NPM1: variants seen among roughly 807,000 people sequenced by gnomAD.
NPM1 encodes nucleophosmin 1.
In NPM1, 1 loss-of-function variant was observed where a neutral mutation model predicts 44.1. The ratio of observed to expected loss-of-function variants is 0.02; its 90% CI spans 0.01 to 0.11. The LOEUF (loss-of-function observed/expected upper bound fraction) is 0.11, where lower values mean the gene tolerates loss of function less well. NPM1 is among the 10% of genes least tolerant of loss of function. The pLI, the probability that NPM1 is intolerant of heterozygous loss-of-function variation, is 1.00. For missense variants in NPM1, 197 were observed against 347.8 expected, an observed-to-expected ratio of 0.57 and a Z score of 3.45; for synonymous variants, 126 against 111.8, an observed-to-expected ratio of 1.13 and a Z score of -0.80.
chr5:171,401,358 A>C (rs1350831274), intron 8 of NPM1, among the ~76,000 whole-genome samples: 1 of 152,100 alleles, frequency 6.6e-6, no homozygotes, highest in Admixed American at 6.5e-5. Context: ...CTCCAAAAAA[A>C]AAAATCAGCT....
chr5:171,396,715 T>C (rs1280718580), intron 6 of NPM1, among the ~76,000 whole-genome samples: 1 of 152,182 alleles, frequency 6.6e-6, no homozygotes, highest in East Asian at 1.9e-4. Flanking sequence ...TATTAACAGT[T>C]CACACCTGTA....
chr5:171,405,527 G>A (rs969773361), intron 9 of NPM1, 124 bp downstream of exon 9: 3 of 632,546 alleles, frequency 4.7e-6, no homozygotes, highest in Non-Finnish European at 2.8e-6. Flanking sequence ...CCTGGTTCGT[G>A]GTATGAATTT....
intron 6 of NPM1, among the ~76,000 whole-genome samples, chr5:171,394,963 G>A (rs1238333481): frequency 6.6e-6 from 1 of 152,110 alleles, no homozygotes; most frequent in South Asian, 2.1e-4. Flanking sequence ...TGGATCACTT[G>A]AGGTCAGGAG....
chr5:171,395,070 C>T (rs1770811436), intron 6 of NPM1, among the ~76,000 whole-genome samples: 1 of 152,050 alleles, frequency 6.6e-6, no homozygotes, highest in African/African-American at 2.4e-5. Flanking sequence ...GTCCCAGTTA[C>T]TTAGGAGGTT....
intron 8 of NPM1, among the ~76,000 whole-genome samples, chr5:171,404,615 G>A (rs922788304): frequency 8.5e-6 from 1 of 117,700 alleles, no homozygotes; most frequent in South Asian, 3.5e-4. Context: ...TCCTAGATGG[G>A]ATGGCGGCCG....
At chr5:171,390,177 C>T (rs762398412) in intron 2 of NPM1, 47 bp downstream of exon 2, 39 of 1,119,920 alleles carry the variant, frequency 3.5e-5, no homozygotes, top group Non-Finnish European at 4.6e-5. Context: ...TTGATTTCAG[C>T]CTTTTAGTTT....
rs538921387 is a variant in NPM1, at chr5:171,394,921, G to C, written c.524+1943G>C. Among the ~76,000 whole-genome samples, 16 of 152,290 alleles carry C rather than the reference G, an allele frequency of 1.1e-4. No homozygotes were observed. The East Asian group carries it at 3.1e-3, about 29-fold the overall frequency. ...AGGCCAGGCATGGTGGCTCACGCCT[G>C]TAATCCCAGCACTTTGGGAGGCTGA... On this transcript the variant is annotated intron_variant, in intron 6 of 10. Coordinates refer to ENST00000296930, the MANE Select transcript of NPM1 (RefSeq NM_002520.7).
chr5:171,409,010 T>C (rs1771699844), intron 10 of NPM1, among the ~76,000 whole-genome samples: 1 of 152,136 alleles, frequency 6.6e-6, no homozygotes, highest in Admixed American at 6.6e-5. Context: ...ATAAAAAGTA[T>C]TTTTGGCCAG....
chr5:171,393,187 A>G (rs1458677287), intron 6 of NPM1, among the ~76,000 whole-genome samples: 1 of 152,194 alleles, frequency 6.6e-6, no homozygotes, highest in Non-Finnish European at 1.5e-5. Flanking sequence ...GAGCCTTTAC[A>G]ATGCTGTGAC....
intron 1 of NPM1, among the ~76,000 whole-genome samples, chr5:171,389,635 C>G (rs557897443): frequency 6.6e-6 from 1 of 152,232 alleles, no homozygotes; most frequent in African/African-American, 2.4e-5. Context: ...TAATAGTAAG[C>G]TATTCATGTT....
Position 171,406,740 on chromosome 5 carries a change from G to A in NPM1, c.772-960G>A, listed in dbSNP as rs920670554. On this transcript the variant is annotated intron_variant, in intron 9 of 10. Coordinates refer to ENST00000296930, the MANE Select transcript of NPM1 (RefSeq NM_002520.7). ...TTGAATGCATCAATTAAGAATGTAT[G>A]TGACAATAATTTTGAAATGGAAATT... 1.6e-5 allele frequency: 18 copies of A among 1,117,900 alleles called. No individual in the cohort carries two copies. In the African/African-American group the frequency reaches 2.9e-4, roughly 18 times the overall value. 69.2% of individuals were successfully genotyped at this position (1,117,900 alleles called of 1,614,324 possible).
chr5:171,392,616 A>T (rs1204740547), intron 4 of NPM1, 94 bp from the exon 5 acceptor site: 7 of 666,430 alleles, frequency 1.1e-5, no homozygotes, highest in Non-Finnish European at 1.4e-5. Flanking sequence ...ATAGAATAGA[A>T]GTCTCAGTTT....
chr5:171,405,741 G>C (rs1234135893), intron 9 of NPM1: 1 of 255,776 alleles, frequency 3.9e-6, no homozygotes, highest in Non-Finnish European at 7.4e-6. Context: ...CCAACAGAGG[G>C]CGTATGAGAC....
intron 6 of NPM1, among the ~76,000 whole-genome samples, chr5:171,398,575 A>T (rs1201672340): frequency 2.6e-5 from 4 of 152,110 alleles, no homozygotes; most frequent in Non-Finnish European, 4.4e-5. Context: ...GATTGAGACT[A>T]TCCTGGCCAA....
At position 171,393,264 on chromosome 5, in the gene NPM1, AT is replaced by A. The variant is rs528092491; in HGVS notation, c.524+289del. Among the ~76,000 whole-genome samples the A allele has an allele frequency of 6.4e-3, 976 of 152,294 alleles. 11 individuals carry two copies. Among genetic ancestry groups the A allele is most frequent in the African/African-American group, 0.022 (935 of 41,556 alleles). On this transcript the variant is annotated intron_variant, in intron 6 of 10. Coordinates refer to ENST00000296930, the MANE Select transcript of NPM1 (RefSeq NM_002520.7). ...TTGATTATGTCCCTTTGTTCTGAAG[AT>A]TTAGTGGATGTGTTATACCCATCAA...
chr5:171,394,431 C>T (rs900617877), intron 6 of NPM1, among the ~76,000 whole-genome samples: 1 of 152,134 alleles, frequency 6.6e-6, no homozygotes, highest in Admixed American at 6.5e-5. Context: ...ACCTCATCCT[C>T]CCAAAGTGCT....
intron 1 of NPM1, 72 bp downstream of exon 1, chr5:171,388,078 G>GGGGGTGGGGGGGT: frequency 1.6e-6 from 1 of 616,752 alleles, no homozygotes. Flanking sequence ...TGAGGGGCGG[G>GGGGGTGGGGGGGT]AATCCGGCTG....
intron 9 of NPM1, among the ~76,000 whole-genome samples, chr5:171,406,223 C>CA (rs1771558246): frequency 6.6e-6 from 1 of 152,016 alleles, no homozygotes; most frequent in South Asian, 2.1e-4. Flanking sequence ...GTGATAAGTC[C>CA]ACTGGAAAAA....
intron 6 of NPM1, 124 bp downstream of exon 6, chr5:171,393,102 T>C (rs553394502): frequency 1.5e-4 from 199 of 1,286,706 alleles, no homozygotes; most frequent in Non-Finnish European, 2.0e-4. Context: ...TGTAATAGTT[T>C]ATAATAAAAG....
Sources: allele counts gnomAD v4.1 joint callset (sites outside exome capture counted in the v4.1 genomes callset), GRCh38; gene constraint gnomAD v4.1.1; transcripts MANE v1.5; gene names NCBI Gene and HGNC (gene_info 2026-07-23, HGNC 2026-07-21).